Variants in MARCHF6 observed in about 807,000 individuals in gnomAD.
MARCHF6 encodes membrane associated ring-CH-type finger 6.
A neutral mutation model predicts 133.7 loss-of-function variants in MARCHF6; 31 were observed. That is an observed-to-expected ratio of 0.23 (90% CI 0.17 to 0.31). The LOEUF (loss-of-function observed/expected upper bound fraction) is 0.31, where lower values mean the gene tolerates loss of function less well. Among genes scored for constraint, MARCHF6 ranks in the 10% least tolerant of loss-of-function variants. The pLI, the probability that MARCHF6 is intolerant of heterozygous loss-of-function variation, is 1.00. For missense variants in MARCHF6, 723 were observed against 1,121.6 expected, an observed-to-expected ratio of 0.64 and a Z score of 5.08; for synonymous variants, 395 against 402.5, an observed-to-expected ratio of 0.98 and a Z score of 0.22.
At chr5:10,424,999 A>G (rs931192029) in intron 23 of MARCHF6, among the ~76,000 whole-genome samples, 1 of 152,234 alleles carries the variant, frequency 6.6e-6, no homozygotes, top group Non-Finnish European at 1.5e-5. Context: ...CGCTTTAGCT[A>G]TATGGCAAAT....
chr5:10,400,676 A>G (rs960674593), intron 10 of MARCHF6, 108 bp from the exon 11 acceptor site: 4 of 805,736 alleles, frequency 5.0e-6, no homozygotes, highest in Non-Finnish European at 8.6e-6. Context: ...TAGTTCTGGA[A>G]TCTTTCATTT....
rs1444408456 is a variant in MARCHF6 at position 10,411,632 on chromosome 5, CCT to C, written c.1896+98_1896+99del. ...AGAATTGGTGCTATTAGTATGCAGT[CCT>C]CTGTGTAGACATGTTCCACATTTTA... On this transcript the variant is annotated intron_variant, in intron 19 of 25. Coordinates refer to ENST00000274140, the MANE Select transcript of MARCHF6 (RefSeq NM_005885.4). 16 of 927,460 alleles carry C rather than the reference CCT, an allele frequency of 1.7e-5. No individual in the cohort carries two copies. In the East Asian group the frequency reaches 2.1e-4, roughly 12 times the overall value. The allele number at this position is 927,460 out of a possible 1,614,324, so 57.5% of individuals were successfully genotyped here. A position where few individuals can be genotyped will look rare whatever the true frequency, so the allele number is the denominator to read the frequency against.
intron 1 of MARCHF6, among the ~76,000 whole-genome samples, chr5:10,356,773 G>A (rs6887666): frequency 0.88 from 133,281 of 152,144 alleles, 59,425 homozygotes; most frequent in African/African-American, 0.95. Flanking sequence ...TCAACCGTGC[G>A]TATAGTAAGT....
Position 10,390,437 on chromosome 5 carries a change from A to C in MARCHF6, c.513A>C (p.Gly171=), listed in dbSNP as rs759967002. The change falls in exon 6 of 26, where the codon GGA becomes GGC. Residue 171 remains glycine, a synonymous_variant. Transcript: ENST00000274140. The part of the protein sequence containing the change: ...VWLREQIVHG[G]APIWLEHAAP... ...TGAGAGAGCAGATAGTCCATGGGGG[A>C]GCACCAATTTGGTTGGAGCATGCTG... The C allele has an allele frequency of 5.0e-6, 8 of 1,613,878 alleles. No individual in the cohort carries two copies. The highest frequency in any genetic ancestry group is 6.8e-6 in the Non-Finnish European group (8 of 1,179,990).
intron 14 of MARCHF6, 74 bp from the exon 15 acceptor site, chr5:10,403,333 C>A: frequency 1.4e-6 from 2 of 1,438,278 alleles, no homozygotes; most frequent in Admixed American, 2.1e-5. Context: ...TTATTTATTT[C>A]CTAGAAGATG....
chr5:10,393,713 T>C (rs1364353670), intron 7 of MARCHF6, among the ~76,000 whole-genome samples: 2 of 152,240 alleles, frequency 1.3e-5, no homozygotes, highest in East Asian at 1.9e-4. Context: ...CTGATTTCTG[T>C]CTTTCTACTA....
intron 18 of MARCHF6, among the ~76,000 whole-genome samples, 153 bp downstream of exon 18, chr5:10,410,429 A>G (rs1302823225): frequency 6.6e-6 from 1 of 152,204 alleles, no homozygotes; most frequent in Non-Finnish European, 1.5e-5. Flanking sequence ...TAATACTTCT[A>G]AATGAAATTT....
At position 10,405,689 on chromosome 5, in the gene MARCHF6, T is replaced by G; in HGVS notation, c.1452+12T>G. 1 of 1,573,492 alleles carries G rather than the reference T, an allele frequency of 6.4e-7. No homozygotes were observed. Among genetic ancestry groups the G allele is most frequent in the Non-Finnish European group, 8.6e-7 (1 of 1,168,868 alleles). ...TTATTTTGTCAGTGGTAAGAAGATG[T>G]TTCCATTGTTTTTTTTTTTTGAATT... On this transcript the variant is annotated intron_variant, in intron 16 of 25. Coordinates refer to ENST00000274140, the MANE Select transcript of MARCHF6 (RefSeq NM_005885.4).
intron 1 of MARCHF6, among the ~76,000 whole-genome samples, chr5:10,359,622 G>A (rs932270271): frequency 2.0e-5 from 3 of 151,874 alleles, no homozygotes; most frequent in African/African-American, 7.3e-5. Flanking sequence ...AAAGAAATCC[G>A]CGTATAAGTG....
intron 22 of MARCHF6, among the ~76,000 whole-genome samples, chr5:10,423,102 G>T (rs1003738931): frequency 2.0e-5 from 3 of 151,892 alleles, no homozygotes; most frequent in African/African-American, 7.3e-5. Flanking sequence ...GGACTTCAGG[G>T]TTGTTAAGCA....
At chr5:10,378,855 C>T (rs752749375) in intron 3 of MARCHF6, 23 bp downstream of exon 3, 2 of 1,552,740 alleles carry the variant, frequency 1.3e-6, no homozygotes, top group South Asian at 2.3e-5. Context: ...GACATTTTCA[C>T]TGCATTTTTT....
chr5:10,377,950 AC>A, intron 2 of MARCHF6, 56 bp downstream of exon 2: 1 of 953,234 alleles, frequency 1.0e-6, no homozygotes, highest in Middle Eastern at 2.7e-4. Context: ...CGTCATGTAT[AC>A]AGTAACAGGG....
At chr5:10,391,808 G>A (rs1579568231) in intron 7 of MARCHF6, 77 bp downstream of exon 7, 6 of 1,334,556 alleles carry the variant, frequency 4.5e-6, no homozygotes, top group South Asian at 4.7e-5. Context: ...AAGGGCTGGC[G>A]TTTTCAAATT....
At chr5:10,432,295 C>G (rs923648330) in intron 25 of MARCHF6, among the ~76,000 whole-genome samples, 1 of 152,168 alleles carries the variant, frequency 6.6e-6, no homozygotes, top group South Asian at 2.1e-4. Flanking sequence ...GTGGGACTGT[C>G]GGTCTCATTT....
rs574198026 is a variant in MARCHF6, at chr5:10,431,058, C to T, written c.2642+1030C>T. On this transcript the variant is annotated intron_variant, in intron 25 of 25. Transcript: ENST00000274140. ...GTGTCATTAACACTACCCCCTTTTA[C>T]TTGTGCTTGTCCCCCCTTGCACAAC... is the stretch of plus-strand genomic sequence containing the variant. 2.4e-4 allele frequency among the ~76,000 whole-genome samples: 36 copies of T among 152,290 alleles called. No individual in the cohort carries two copies. In the South Asian group the frequency reaches 6.8e-3, roughly 29 times the overall value.
chr5:10,390,630 G>T (rs539224381), intron 6 of MARCHF6, 130 bp downstream of exon 6: 1 of 891,612 alleles, frequency 1.1e-6, no homozygotes, highest in Non-Finnish European at 1.7e-6. Flanking sequence ...GGAGGGCAGC[G>T]GAAAGGTTTG....
At chr5:10,374,847 C>T (rs898664668) in intron 1 of MARCHF6, among the ~76,000 whole-genome samples, 1 of 152,224 alleles carries the variant, frequency 6.6e-6, no homozygotes, top group African/African-American at 2.4e-5. Flanking sequence ...TGAAAGGCAA[C>T]AGCAATAGAG....
At chr5:10,410,460 T>C (rs1209626461) in intron 18 of MARCHF6, among the ~76,000 whole-genome samples, 184 bp downstream of exon 18, 1 of 152,170 alleles carries the variant, frequency 6.6e-6, no homozygotes, top group African/African-American at 2.4e-5. Context: ...TTGTCCATCC[T>C]TTCATGGAGA....
intron 1 of MARCHF6, among the ~76,000 whole-genome samples, chr5:10,375,084 A>G (rs7729046): frequency 0.053 from 8,073 of 152,236 alleles, 718 homozygotes; most frequent in African/African-American, 0.18. Flanking sequence ...TCAGCCCACC[A>G]CTGCACTGTG....
Sources: gnomAD v4.1 joint callset for allele counts (sites outside exome capture counted in the v4.1 genomes callset) on GRCh38, gnomAD v4.1.1 for gene constraint, MANE v1.5 for transcripts, NCBI Gene and HGNC (gene_info 2026-07-23, HGNC 2026-07-21) for gene names.